SENP6: variants seen among roughly 807,000 people sequenced by gnomAD.
The protein encoded by SENP6 is sentrin-specific protease 6.
SENP6 carries 41 observed loss-of-function variants against 134.5 expected under a neutral mutation model. The ratio of observed to expected loss-of-function variants is 0.30; its 90% CI spans 0.24 to 0.40. The LOEUF is 0.40. Ranked by LOEUF, SENP6 falls within the 10% of genes least tolerant of loss-of-function variation. The pLI is 1.00. For missense variants in SENP6, 1,248 were observed against 1,312.5 expected, an observed-to-expected ratio of 0.95 and a Z score of 0.76; for synonymous variants, 395 against 429.8, an observed-to-expected ratio of 0.92 and a Z score of 1.00.
Position 75,702,754 on chromosome 6 carries a change from GA to G in SENP6, c.2399del (p.Glu800GlyfsTer24). 1 of 1,613,748 alleles carries G rather than the reference GA, an allele frequency of 6.2e-7. No individual in the cohort carries two copies. The highest frequency in any genetic ancestry group is 8.5e-7 in the Non-Finnish European group (1 of 1,179,716). On this transcript the variant is annotated frameshift_variant, in exon 19 of 24. Coordinates refer to ENST00000447266, the MANE Select transcript of SENP6 (RefSeq NM_015571.4). LOFTEE classifies it high-confidence loss of function. Reference protein sequence around the residue: ...NAVIQKCSTVEDSCISSSASE... With the variant: ...NAVIQKCSTVXDSCISSSASE... ...TGTCATACAGAAATGTTCAACTGTA[GA>G]GGACAGTTGTATTTCTTCTTCAGCC...
chr6:75,660,474 A>G (rs960619701), intron 8 of SENP6, among the ~76,000 whole-genome samples: 8 of 152,146 alleles, frequency 5.3e-5, no homozygotes, highest in Non-Finnish European at 1.2e-4. Context: ...ATGATGTTTC[A>G]TGACTTACCT....
chr6:75,701,323 C>T (rs1390324368), intron 18 of SENP6, among the ~76,000 whole-genome samples: 2 of 152,088 alleles, frequency 1.3e-5, no homozygotes, highest in East Asian at 1.9e-4. Flanking sequence ...TTGCTTGTGT[C>T]CTATACTCTA....
chr6:75,661,707 T>C (rs1771788419), intron 8 of SENP6, among the ~76,000 whole-genome samples: 1 of 152,196 alleles, frequency 6.6e-6, no homozygotes, highest in Admixed American at 6.5e-5. Context: ...GTTTTTTCTT[T>C]CCATGTATAG....
At chr6:75,627,371 C>T (rs1768776800) in intron 3 of SENP6, among the ~76,000 whole-genome samples, 1 of 152,052 alleles carries the variant, frequency 6.6e-6, no homozygotes, top group Non-Finnish European at 1.5e-5. Flanking sequence ...GGTTTCCTAG[C>T]TTTTATTTTG....
chr6:75,650,298 C>A (rs1770771543), intron 7 of SENP6, among the ~76,000 whole-genome samples: 1 of 152,180 alleles, frequency 6.6e-6, no homozygotes, highest in Admixed American at 6.5e-5. Context: ...AAGATACTCT[C>A]TGCTGGGTTT....
At chr6:75,664,144 TA>T (rs1467421243) in intron 9 of SENP6, among the ~76,000 whole-genome samples, 3 of 151,784 alleles carry the variant, frequency 2.0e-5, no homozygotes, top group African/African-American at 7.3e-5. Flanking sequence ...TAATTTCTTC[TA>T]AAAAATAGAA....
chr6:75,633,288 C>T (rs966500654), intron 3 of SENP6, among the ~76,000 whole-genome samples: 1 of 152,186 alleles, frequency 6.6e-6, no homozygotes, highest in Non-Finnish European at 1.5e-5. Context: ...TTACTTTTTA[C>T]TCTCTGGAGA....
At chr6:75,627,636 A>T (rs1768796244) in intron 3 of SENP6, among the ~76,000 whole-genome samples, 1 of 152,128 alleles carries the variant, frequency 6.6e-6, no homozygotes, top group South Asian at 2.1e-4. Flanking sequence ...TCTGTCACTA[A>T]CTTATATAGG....
chr6:75,707,665 C>CT (rs2149904175), intron 19 of SENP6, among the ~76,000 whole-genome samples: 1 of 151,978 alleles, frequency 6.6e-6, no homozygotes, highest in East Asian at 1.9e-4. Context: ...GCCCATAGTG[C>CT]TTTTTTGTTG....
intron 16 of SENP6, among the ~76,000 whole-genome samples, chr6:75,687,459 C>A (rs966390407): frequency 6.6e-6 from 1 of 152,204 alleles, no homozygotes; most frequent in African/African-American, 2.4e-5. Context: ...AAGCTGCAAT[C>A]CTTTGGAGAA....
chr6:75,715,683 C>T lies in SENP6; in HGVS notation c.*89C>T. ...CAATAAAGAACTGAAGTGCTCACTACTCAGTGATTTGGAAATTTTGATGCT... is the reference window on the plus strand; with the variant it reads ...CAATAAAGAACTGAAGTGCTCACTATTCAGTGATTTGGAAATTTTGATGCT... On this transcript the variant is annotated 3_prime_UTR_variant, in exon 24 of 24. Coordinates refer to ENST00000447266, the MANE Select transcript of SENP6 (RefSeq NM_015571.4). The T allele has an allele frequency of 1.1e-6, 1 of 883,010 alleles. No individual in the cohort carries two copies. Among genetic ancestry groups the T allele is most frequent in the East Asian group, 2.6e-5 (1 of 39,120 alleles). The allele number at this position is 883,010 out of a possible 1,614,324, so 54.7% of individuals were successfully genotyped here.
intron 2 of SENP6, among the ~76,000 whole-genome samples, chr6:75,621,879 C>A (rs1768300644): frequency 6.6e-6 from 1 of 152,034 alleles, no homozygotes; most frequent in Admixed American, 6.6e-5. Flanking sequence ...ATTGACTGTA[C>A]AATGGAAGGC....
intron 23 of SENP6, 133 bp downstream of exon 23, chr6:75,713,958 G>A (rs1775897264): frequency 3.0e-6 from 2 of 675,924 alleles, no homozygotes. Flanking sequence ...ATTCCATGGA[G>A]CAAAAACTTC....
chr6:75,672,005 T>G (rs764162159), intron 11 of SENP6, among the ~76,000 whole-genome samples: 3 of 152,164 alleles, frequency 2.0e-5, no homozygotes, highest in Non-Finnish European at 4.4e-5. Flanking sequence ...ACCCTGGAGA[T>G]TCGAAGCAAA....
chr6:75,638,164 T>C (rs1769671316), intron 5 of SENP6, among the ~76,000 whole-genome samples: 1 of 152,080 alleles, frequency 6.6e-6, no homozygotes, highest in Non-Finnish European at 1.5e-5. Flanking sequence ...ACCTGTCCCA[T>C]TTTGAGAGAA....
chr6:75,692,294 G>A (rs1774333557), intron 16 of SENP6, among the ~76,000 whole-genome samples: 1 of 152,146 alleles, frequency 6.6e-6, no homozygotes, highest in Non-Finnish European at 1.5e-5. Flanking sequence ...TCTTATGGGT[G>A]CATATCAGAA....
At chr6:75,666,314 T>C (rs2149869113) in intron 9 of SENP6, among the ~76,000 whole-genome samples, 1 of 148,688 alleles carries the variant, frequency 6.7e-6, no homozygotes, top group Non-Finnish European at 1.5e-5. Flanking sequence ...TTCACACATA[T>C]TTACAATGCA....
chr6:75,660,382 CTTA>C (rs1771679809), intron 8 of SENP6, among the ~76,000 whole-genome samples: 1 of 152,154 alleles, frequency 6.6e-6, no homozygotes, highest in South Asian at 2.1e-4. Context: ...AGAAGTATTT[CTTA>C]TTCCATATTT....
At chr6:75,623,780 C>T (rs1768454720) in intron 2 of SENP6, 120 bp from the exon 3 acceptor site, 15 of 749,756 alleles carry the variant, frequency 2.0e-5, no homozygotes, top group Non-Finnish European at 2.8e-5. Context: ...GTGGTTTGGC[C>T]CTTTACAGAA....
Sources: gnomAD v4.1 joint callset for allele counts (sites outside exome capture counted in the v4.1 genomes callset) on GRCh38, gnomAD v4.1.1 for gene constraint, MANE v1.5 for transcripts, NCBI Gene and HGNC (gene_info 2026-07-23, HGNC 2026-07-21) for gene names.